UBASH3B: variants seen among roughly 807,000 people sequenced by gnomAD.
UBASH3B encodes ubiquitin associated and SH3 domain containing B.
A neutral mutation model predicts 83.4 loss-of-function variants in UBASH3B; 37 were observed. That is an observed-to-expected ratio of 0.44 (90% CI 0.34 to 0.58). UBASH3B has a LOEUF of 0.58. Among genes scored for constraint, UBASH3B ranks in the 20% least tolerant of loss-of-function variants. The pLI is 0.01. For missense variants in UBASH3B, 657 were observed against 827.2 expected (o/e 0.79, Z 2.52); for synonymous variants, 304 against 318.3 (o/e 0.96, Z 0.48).
At chr11:122,803,668 G>C (rs1032444257) in intron 11 of UBASH3B, among the ~76,000 whole-genome samples, 2 of 152,184 alleles carry the variant, frequency 1.3e-5, no homozygotes, top group African/African-American at 4.8e-5. Flanking sequence ...ACAGGGGACT[G>C]GGGGAGGGTA....
intron 12 of UBASH3B, among the ~76,000 whole-genome samples, chr11:122,807,646 G>T (rs1158876979): frequency 6.6e-6 from 1 of 152,086 alleles, no homozygotes; most frequent in African/African-American, 2.4e-5. Flanking sequence ...AATCTCCTGG[G>T]CTCAAGTGAT....
intron 1 of UBASH3B, among the ~76,000 whole-genome samples, chr11:122,700,686 G>A (rs1014266598): frequency 6.6e-6 from 1 of 151,966 alleles, no homozygotes; most frequent in Non-Finnish European, 1.5e-5. Flanking sequence ...TAGTAGAGAT[G>A]GGGTTTCACC....
At chr11:122,805,238 C>T (rs561567851) in intron 11 of UBASH3B, among the ~76,000 whole-genome samples, 4 of 152,250 alleles carry the variant, frequency 2.6e-5, no homozygotes, top group East Asian at 1.9e-4. Context: ...CTTTTTAAAA[C>T]GGTCAGATTG....
chr11:122,731,555 G>A (rs991007352), intron 1 of UBASH3B, among the ~76,000 whole-genome samples: 1 of 152,082 alleles, frequency 6.6e-6, no homozygotes, highest in Admixed American at 6.5e-5. Context: ...TGACTAACAG[G>A]CGGAGAGTGC....
intron 1 of UBASH3B, among the ~76,000 whole-genome samples, chr11:122,771,347 C>T (rs1010685709): frequency 6.6e-6 from 1 of 152,070 alleles, no homozygotes; most frequent in Non-Finnish European, 1.5e-5. Context: ...ATTCTCCTGC[C>T]TCAGCCTCCC....
At chr11:122,706,097 C>A (rs1035232217) in intron 1 of UBASH3B, among the ~76,000 whole-genome samples, 10 of 137,840 alleles carry the variant, frequency 7.3e-5, no homozygotes, top group Non-Finnish European at 1.4e-4. Flanking sequence ...AGCTCTAATT[C>A]TTTTCTTTCT....
At chr11:122,683,443 C>T (rs192880699) in intron 1 of UBASH3B, among the ~76,000 whole-genome samples, 298 of 151,708 alleles carry the variant, frequency 2.0e-3, no homozygotes, top group Non-Finnish European at 3.0e-3. Context: ...AGCAAAACCC[C>T]GTTTCTACTG....
chr11:122,802,761 T>C (rs1861280167), intron 11 of UBASH3B, among the ~76,000 whole-genome samples: 1 of 152,130 alleles, frequency 6.6e-6, no homozygotes, highest in Admixed American at 6.5e-5. Context: ...TTTTGTTCTA[T>C]CCCCTCTCTG....
At chr11:122,688,690 G>A (rs915152467) in intron 1 of UBASH3B, among the ~76,000 whole-genome samples, 1 of 148,348 alleles carries the variant, frequency 6.7e-6, no homozygotes, top group Non-Finnish European at 1.5e-5. Context: ...TGTTGCCCAG[G>A]CTGGAGTGCA....
At chr11:122,780,345 G>T (rs1255507967) in intron 4 of UBASH3B, among the ~76,000 whole-genome samples, 1 of 152,212 alleles carries the variant, frequency 6.6e-6, no homozygotes, top group Non-Finnish European at 1.5e-5. Flanking sequence ...TTAAGGGGGT[G>T]CTCAAGGCAG....
At chr11:122,795,634 G>A (rs113283404) in intron 7 of UBASH3B, among the ~76,000 whole-genome samples, 1,906 of 152,330 alleles carry the variant, frequency 0.013, 55 homozygotes, top group African/African-American at 0.043. Flanking sequence ...AGACAGCAGA[G>A]GCTACATAGT....
chr11:122,691,036 C>T (rs969994071), intron 1 of UBASH3B, among the ~76,000 whole-genome samples: 1 of 152,182 alleles, frequency 6.6e-6, no homozygotes. Flanking sequence ...CTTCCGGACT[C>T]CTCCCCTAGG....
chr11:122,702,963 A>T (rs370791934), intron 1 of UBASH3B, among the ~76,000 whole-genome samples: 1 of 152,232 alleles, frequency 6.6e-6, no homozygotes, highest in Non-Finnish European at 1.5e-5. Flanking sequence ...TTGTTTTCTC[A>T]TTTATTCACT....
At position 122,787,003 on chromosome 11, in the gene UBASH3B, G is replaced by A. The variant is rs868425202; in HGVS notation, c.772-2097G>A. 1.8e-4 allele frequency among the ~76,000 whole-genome samples: 15 copies of A among 84,358 alleles called. No homozygotes were observed. The South Asian group carries it at 1.8e-3, about 10-fold the overall frequency. The allele number at this position is 84,358 out of a possible 152,430, so 55.3% of individuals were successfully genotyped here. A position where few individuals can be genotyped will look rare whatever the true frequency, so the allele number is the denominator to read the frequency against. On this transcript the variant is annotated intron_variant, in intron 5 of 13. Transcript: ENST00000284273. ...TACCCACCCCCGCTCCCCCCCCACC[G>A]CCCCACATGATAGAACAAATGAGGA... is the stretch of plus-strand genomic sequence containing the variant.
At chr11:122,735,018 C>T (rs73018245) in intron 1 of UBASH3B, among the ~76,000 whole-genome samples, 20,918 of 151,980 alleles carry the variant, frequency 0.14, 1,822 homozygotes, top group Non-Finnish European at 0.19. Context: ...TGAACTTTTC[C>T]CCTTTTTGGA....
chr11:122,774,290 T>C (rs1408947453), intron 1 of UBASH3B: 12 of 985,372 alleles, frequency 1.2e-5, no homozygotes, highest in Non-Finnish European at 1.3e-5. Flanking sequence ...TTTACAGTGC[T>C]GTTCTCATTA....
intron 1 of UBASH3B, among the ~76,000 whole-genome samples, chr11:122,679,497 G>C (rs1863711341): frequency 6.6e-6 from 1 of 152,158 alleles, no homozygotes; most frequent in South Asian, 2.1e-4. Context: ...TAGAATCTCA[G>C]CTCTACCTCA....
At chr11:122,662,965 C>T (rs1863465384) in intron 1 of UBASH3B, among the ~76,000 whole-genome samples, 2 of 145,514 alleles carry the variant, frequency 1.4e-5, no homozygotes, top group African/African-American at 5.2e-5. Flanking sequence ...CTCTTACGCG[C>T]TAATGTCTTT....
intron 1 of UBASH3B, among the ~76,000 whole-genome samples, chr11:122,715,321 C>A (rs911913707): frequency 2.0e-5 from 3 of 152,102 alleles, no homozygotes; most frequent in African/African-American, 7.2e-5. Flanking sequence ...TATTGATTGG[C>A]GGTTGAGGTG....
Sources: allele counts gnomAD v4.1 joint callset (sites outside exome capture counted in the v4.1 genomes callset), GRCh38; gene constraint gnomAD v4.1.1; transcripts MANE v1.5; gene names NCBI Gene and HGNC (gene_info 2026-07-23, HGNC 2026-07-21).